Variants in THSD4 observed in about 807,000 individuals in gnomAD.
THSD4 encodes the protein thrombospondin type-1 domain-containing protein 4.
Under a neutral mutation model 119.0 loss-of-function variants are expected in THSD4, and 69 were observed. The observed-to-expected ratio is 0.58, with a 90% confidence interval of 0.48 to 0.71. The LOEUF is 0.71. Among genes scored for constraint, THSD4 ranks in the 30% least tolerant of loss-of-function variants. The probability of loss-of-function intolerance (pLI) is 0.00; values close to 1 mark genes in which losing one functional copy is unlikely to be tolerated. For synonymous variants in THSD4, 524 were observed against 540.4 expected (o/e 0.97, Z 0.42); for missense variants, 1,393 against 1,391.1 (o/e 1.00, Z -0.02).
At chr15:71,195,802 T>C (rs890489615) in intron 3 of THSD4, among the ~76,000 whole-genome samples, 2 of 152,134 alleles carry the variant, frequency 1.3e-5, no homozygotes, top group African/African-American at 4.8e-5. Context: ...ATACTGGTGA[T>C]AGCTACCAAT....
intron 6 of THSD4, among the ~76,000 whole-genome samples, chr15:71,279,227 G>A (rs756899008): frequency 6.6e-6 from 1 of 152,196 alleles, no homozygotes. Context: ...CATATCAGAT[G>A]TGTACAGCTC....
At position 71,466,344 on chromosome 15, in the gene THSD4, CA is replaced by C. The variant is rs66981958; in HGVS notation, c.1152+54535del. 4.5e-3 allele frequency among the ~76,000 whole-genome samples: 525 copies of C among 117,298 alleles called. 1 individual carries two copies. The highest frequency in any genetic ancestry group is 0.014 in the Middle Eastern group (3 of 214). The allele number at this position is 117,298 out of a possible 152,430, so 77.0% of individuals were successfully genotyped here. On this transcript the variant is annotated intron_variant, in intron 7 of 17. Coordinates refer to ENST00000261862, the MANE Select transcript of THSD4 (RefSeq NM_024817.3). ...TGGGAGACTGAACAAGACTCCATCT[CA>C]AAAAAAAAAAAAAGGAAAATAGAGG...
chr15:71,776,891 G>A (rs556720594), intron 17 of THSD4, among the ~76,000 whole-genome samples: 1 of 152,304 alleles, frequency 6.6e-6, no homozygotes, highest in African/African-American at 2.4e-5. Context: ...ACAGAGTGGT[G>A]AGGGATTCCC....
intron 1 of THSD4, among the ~76,000 whole-genome samples, chr15:71,139,346 A>C (rs1046851375): frequency 2.0e-5 from 3 of 152,212 alleles, no homozygotes; most frequent in Admixed American, 2.0e-4. Flanking sequence ...ATTACTGATT[A>C]GTTGATGGTT....
At chr15:71,332,891 C>CGTTTTTTTTTTTTTTTTTTTTTT (rs1184457820) in intron 6 of THSD4, among the ~76,000 whole-genome samples, 1 of 38,036 alleles carries the variant, frequency 2.6e-5, no homozygotes, top group Non-Finnish European at 5.7e-5. Flanking sequence ...GATTTTTTTA[C>CGTTTTTTTTTTTTTTTTTTTTTT]ATTTTTTTTT....
intron 7 of THSD4, among the ~76,000 whole-genome samples, chr15:71,610,345 T>C (rs193019709): frequency 4.6e-5 from 7 of 152,282 alleles, no homozygotes; most frequent in Admixed American, 4.6e-4. Flanking sequence ...TTCCTTCCAG[T>C]GCAAGAGGAT....
chr15:71,435,150 T>C (rs891532123), intron 7 of THSD4, among the ~76,000 whole-genome samples: 1 of 152,176 alleles, frequency 6.6e-6, no homozygotes, highest in Admixed American at 6.5e-5. Context: ...AACAAATCCT[T>C]ATAAATGTTT....
chr15:71,501,256 G>A (rs538381628), intron 7 of THSD4, among the ~76,000 whole-genome samples: 120 of 152,168 alleles, frequency 7.9e-4, no homozygotes, highest in African/African-American at 2.6e-3. Context: ...ACACATATTC[G>A]GCACTTTCAG....
At chr15:71,583,692 G>A (rs924989252) in intron 7 of THSD4, among the ~76,000 whole-genome samples, 2 of 151,958 alleles carry the variant, frequency 1.3e-5, no homozygotes, top group Non-Finnish European at 2.9e-5. Context: ...GAGGTGCATT[G>A]TTTAATTTCC....
chr15:71,137,801 A>AT (rs979600821), intron 1 of THSD4, among the ~76,000 whole-genome samples: 2 of 152,028 alleles, frequency 1.3e-5, no homozygotes, highest in African/African-American at 2.4e-5. Flanking sequence ...GCCTCCAATA[A>AT]TTTTTTTTGA....
At chr15:71,721,111 A>G (rs945910593) in intron 8 of THSD4, among the ~76,000 whole-genome samples, 3 of 152,168 alleles carry the variant, frequency 2.0e-5, no homozygotes, top group Admixed American at 6.5e-5. Context: ...TCACACCTGT[A>G]ATCCCAGCAC....
At chr15:71,550,110 AGTCGTGTACACTT>A (rs1358823012) in intron 7 of THSD4, among the ~76,000 whole-genome samples, 1 of 152,260 alleles carries the variant, frequency 6.6e-6, no homozygotes, top group Non-Finnish European at 1.5e-5. Flanking sequence ...TTAGGGTGGC[AGTCGTGTACACTT>A]GTACAGATGG....
At chr15:71,318,865 G>A (rs941223527) in intron 6 of THSD4, among the ~76,000 whole-genome samples, 2 of 152,210 alleles carry the variant, frequency 1.3e-5, no homozygotes, top group Non-Finnish European at 1.5e-5. Context: ...GCAGTGGAGA[G>A]AACACTGAGC....
chr15:71,619,114 T>G (rs2050374387), intron 7 of THSD4, among the ~76,000 whole-genome samples: 1 of 151,746 alleles, frequency 6.6e-6, no homozygotes, highest in Non-Finnish European at 1.5e-5. Context: ...GGATTACAGG[T>G]GCCCACCACC....
intron 3 of THSD4, among the ~76,000 whole-genome samples, chr15:71,210,182 A>G (rs1376162658): frequency 6.6e-6 from 1 of 152,192 alleles, no homozygotes; most frequent in Admixed American, 6.5e-5. Context: ...CACAGGAGGT[A>G]TCCTGGGTGC....
At position 71,747,034 on chromosome 15, in the gene THSD4, T is replaced by C. The variant is rs909526151; in HGVS notation, c.2233T>C (p.Trp745Arg). ...CAGCGAGTGGCAGATCCGGACCGAC[T>C]GGACCTCGGTACGCAGGCAGGGCAG... ...ICSEWQIRTD[W>R]TSCSVPCGVG... The change falls in exon 13 of 18, where the codon TGG becomes CGG. Residue 745 changes from tryptophan to arginine, a missense_variant. Trp to Arg is a moderately radical substitution (Grantham distance 101, BLOSUM62 -3). Coordinates refer to ENST00000261862, the MANE Select transcript of THSD4 (RefSeq NM_024817.3). 1 of 1,606,414 alleles carries C rather than the reference T, an allele frequency of 6.2e-7. No homozygotes were observed. Among genetic ancestry groups the C allele is most frequent in the Admixed American group, 1.7e-5 (1 of 59,396 alleles).
chr15:71,157,479 T>C (rs948242003), intron 3 of THSD4, among the ~76,000 whole-genome samples: 2 of 152,104 alleles, frequency 1.3e-5, no homozygotes, highest in African/African-American at 2.4e-5. Context: ...AAGCCTCTCT[T>C]CTAGCTATTT....
chr15:71,251,827 C>G (rs1354752509), intron 5 of THSD4, among the ~76,000 whole-genome samples: 2 of 152,070 alleles, frequency 1.3e-5, no homozygotes, highest in Non-Finnish European at 2.9e-5. Context: ...TCAGATTAAC[C>G]AGGGTCACTA....
At chr15:71,464,872 T>C (rs1290954252) in intron 7 of THSD4, among the ~76,000 whole-genome samples, 1 of 152,172 alleles carries the variant, frequency 6.6e-6, no homozygotes, top group Non-Finnish European at 1.5e-5. Context: ...GAGTAAGACA[T>C]GAAAACACTA....
Sources: gnomAD v4.1 joint callset for allele counts (sites outside exome capture counted in the v4.1 genomes callset) on GRCh38, gnomAD v4.1.1 for gene constraint, MANE v1.5 for transcripts, NCBI Gene and HGNC (gene_info 2026-07-23, HGNC 2026-07-21) for gene names.